ASB4: variants seen among roughly 807,000 people sequenced by gnomAD.
ASB4 encodes ankyrin repeat and SOCS box containing 4, also known as ankyrin repeat and SOCS box protein 4.
In ASB4, 35 loss-of-function variants were observed where a neutral mutation model predicts 38.6. That is an observed-to-expected ratio of 0.91 (90% CI 0.69 to 1.20). The LOEUF (loss-of-function observed/expected upper bound fraction) is 1.20, where lower values mean the gene tolerates loss of function less well. Ranked by LOEUF, ASB4 falls within the 50% of genes most tolerant of loss-of-function variation. The probability of loss-of-function intolerance (pLI) is 0.00; values close to 1 mark genes in which losing one functional copy is unlikely to be tolerated. For missense variants in ASB4, 557 were observed against 527.2 expected (o/e 1.06, Z -0.55); for synonymous variants, 195 against 201.3 (o/e 0.97, Z 0.26).
At chr7:95,480,475 C>G (rs43063) in intron 1 of ASB4, among the ~76,000 whole-genome samples, 1 of 151,994 alleles carries the variant, frequency 6.6e-6, no homozygotes, top group Non-Finnish European at 1.5e-5. Context: ...ATGATAGAAA[C>G]AGTGGTATAT....
At chr7:95,506,140 C>T (rs1373413652) in intron 2 of ASB4, among the ~76,000 whole-genome samples, 1 of 152,178 alleles carries the variant, frequency 6.6e-6, no homozygotes, top group Non-Finnish European at 1.5e-5. Flanking sequence ...CTCAAGTGAT[C>T]CTCCTGCCTA....
intron 3 of ASB4, 88 bp downstream of exon 3, chr7:95,528,391 G>T (rs770655142): frequency 1.3e-5 from 20 of 1,590,030 alleles, no homozygotes; most frequent in Non-Finnish European, 1.7e-5. Flanking sequence ...GCTTGCTTGA[G>T]GCTTGAGTCC....
chr7:95,486,249 AT>A lies in ASB4; in HGVS notation c.187+93del. On this transcript the variant is annotated intron_variant, in intron 1 of 4. Coordinates refer to ENST00000325885, the MANE Select transcript of ASB4 (RefSeq NM_016116.3). ...TTATCCACTCTAAACAGTAGTTTTTATTGTTTCTTTAAGTATTCATTTAAAA... is the reference window on the plus strand; with the variant it reads ...TTATCCACTCTAAACAGTAGTTTTTATGTTTCTTTAAGTATTCATTTAAAA... The A allele has an allele frequency of 3.0e-6, 3 of 1,001,598 alleles. No homozygotes were observed. The South Asian group carries it at 6.4e-5, about 21-fold the overall frequency. The allele number at this position is 1,001,598 out of a possible 1,614,324, so 62.0% of individuals were successfully genotyped here.
chr7:95,532,785 C>T (rs925470666), intron 3 of ASB4, among the ~76,000 whole-genome samples: 2 of 152,134 alleles, frequency 1.3e-5, no homozygotes, highest in East Asian at 3.9e-4. Flanking sequence ...GTCTAAATCT[C>T]TCTTCAGTAG....
intron 1 of ASB4, among the ~76,000 whole-genome samples, chr7:95,486,769 A>C (rs1790096809): frequency 6.6e-6 from 1 of 152,240 alleles, no homozygotes; most frequent in African/African-American, 2.4e-5. Context: ...TAATTGTTCA[A>C]AATTGTAGAT....
intron 3 of ASB4, among the ~76,000 whole-genome samples, chr7:95,533,733 A>C (rs1562822723): frequency 6.6e-6 from 1 of 152,184 alleles, no homozygotes; most frequent in Non-Finnish European, 1.5e-5. Context: ...CTTTGGTCTT[A>C]AATCTCTGAA....
At chr7:95,502,699 A>C (rs1168798057) in intron 2 of ASB4, among the ~76,000 whole-genome samples, 1 of 152,232 alleles carries the variant, frequency 6.6e-6, no homozygotes, top group Non-Finnish European at 1.5e-5. Flanking sequence ...AAGAGTTTTC[A>C]GAATAATGCA....
chr7:95,527,950 G>T lies in ASB4; in HGVS notation c.625G>T (p.Glu209Ter). 6.2e-7 allele frequency: 1 copy of T among 1,614,124 alleles called. No individual in the cohort carries two copies. Among genetic ancestry groups the T allele is most frequent in the South Asian group, 1.1e-5 (1 of 91,086 alleles). ...AIVDSVNAHMETPLAIAAYWA... is the reference protein window; with the variant it reads ...AIVDSVNAHM Reference sequence around the variant, plus strand: ...AGTGGACAGCGTGAATGCCCACATGGAGACCCCCCTGGCCATCGCCGCCTA... The same window carrying T: ...AGTGGACAGCGTGAATGCCCACATGTAGACCCCCCTGGCCATCGCCGCCTA... Residue 209 changes from glutamate (E) to a stop codon, truncating the protein, a stop_gained, in exon 3 of 5, where the codon GAG (glutamate) becomes TAG (stop). Transcript: ENST00000325885. LOFTEE classifies it high-confidence loss of function.
rs1398720337 is a variant in ASB4 at position 95,508,473 on chromosome 7, A to G, written c.487+12416A>G. Among the ~76,000 whole-genome samples the G allele has an allele frequency of 2.0e-5, 3 of 152,230 alleles. No homozygotes were observed. In the South Asian group the frequency reaches 6.2e-4, roughly 32 times the overall value. On this transcript the variant is annotated intron_variant, in intron 2 of 4. Transcript: ENST00000325885. ...TTTTCTATAATTATAGAGAATAATT[A>G]TTATAGGGAATTATAGAGAACAGGA...
chr7:95,500,952 A>C (rs1010782430), intron 2 of ASB4, among the ~76,000 whole-genome samples: 1 of 152,024 alleles, frequency 6.6e-6, no homozygotes, highest in East Asian at 1.9e-4. Context: ...GAGCTTACTC[A>C]CATTTTCTAT....
intron 2 of ASB4, among the ~76,000 whole-genome samples, chr7:95,527,252 C>T (rs1414621206): frequency 6.6e-6 from 1 of 152,064 alleles, no homozygotes; most frequent in Non-Finnish European, 1.5e-5. Context: ...TCCAAGAAAG[C>T]CTCACAGACT....
chr7:95,483,120 G>A (rs1790037581), upstream of ASB4, among the ~76,000 whole-genome samples: 1 of 152,166 alleles, frequency 6.6e-6, no homozygotes, highest in East Asian at 1.9e-4. Context: ...CACTCTAGTA[G>A]CCAGATAGGA....
At chr7:95,497,843 T>A (rs1346793497) in intron 2 of ASB4, among the ~76,000 whole-genome samples, 1 of 152,218 alleles carries the variant, frequency 6.6e-6, no homozygotes, top group East Asian at 1.9e-4. Flanking sequence ...TCCATCCATA[T>A]GGTTGCATGG....
In ASB4 at chr7:95,538,627, G is replaced by C. The variant is rs898224952; in HGVS notation, c.*868G>C. On this transcript the variant is annotated 3_prime_UTR_variant, in exon 5 of 5. Transcript: ENST00000325885. ...GAGTGAAGGGGTTATGTAAAGTAGA[G>C]GGATCTCCTGCTCTTGTTAGGGTAT... 1 of 152,188 alleles carries C rather than the reference G, an allele frequency of 6.6e-6. No homozygotes were observed. Among genetic ancestry groups the C allele is most frequent in the African/African-American group, 2.4e-5 (1 of 41,444 alleles). 9.4% of individuals were successfully genotyped at this position (152,188 alleles called of 1,614,324 possible). A position where few individuals can be genotyped will look rare whatever the true frequency, so the allele number is the denominator to read the frequency against.
rs770098410 is a variant in ASB4 at position 95,527,795 on chromosome 7, C to T, written c.488-18C>T. The T allele has an allele frequency of 6.3e-6, 10 of 1,575,162 alleles. No individual in the cohort carries two copies. The highest frequency in any genetic ancestry group is 8.7e-6 in the Non-Finnish European group (10 of 1,154,970). ...AAAACATGTTTAAATAATTGTCTTCCTCAATTTCCCTTTATAGGGGCGAAT... is the reference window on the plus strand; with the variant it reads ...AAAACATGTTTAAATAATTGTCTTCTTCAATTTCCCTTTATAGGGGCGAAT... On this transcript the variant is annotated intron_variant, in intron 2 of 4. Coordinates refer to ENST00000325885, the MANE Select transcript of ASB4 (RefSeq NM_016116.3).
intron 3 of ASB4, among the ~76,000 whole-genome samples, chr7:95,529,019 C>G (rs1301280242): frequency 1.3e-5 from 2 of 152,130 alleles, no homozygotes. Flanking sequence ...TAATCTCAAA[C>G]AGGCTGGTAG....
chr7:95,484,939 T>C (rs114649886), upstream of ASB4, among the ~76,000 whole-genome samples: 1,306 of 150,166 alleles, frequency 8.7e-3, 12 homozygotes, highest in African/African-American at 0.03. Flanking sequence ...TATCTCTCTG[T>C]TTCTATTTAC....
the ASB4 span, among the ~76,000 whole-genome samples, chr7:95,548,583 T>G: frequency 3.9e-5 from 6 of 152,218 alleles, no homozygotes; most frequent in African/African-American, 1.4e-4. Context: ...CACCCCACAG[T>G]TGGTAGCTAT....
At chr7:95,502,528 A>G (rs1004688282) in intron 2 of ASB4, among the ~76,000 whole-genome samples, 1 of 152,270 alleles carries the variant, frequency 6.6e-6, no homozygotes, top group Non-Finnish European at 1.5e-5. Context: ...TAGGGCCTCA[A>G]ATTCAGACTT....
Sources: gnomAD v4.1 joint callset for allele counts (sites outside exome capture counted in the v4.1 genomes callset) on GRCh38, gnomAD v4.1.1 for gene constraint, MANE v1.5 for transcripts, NCBI Gene and HGNC (gene_info 2026-07-23, HGNC 2026-07-21) for gene names.